The following PAPPA variants were observed in gnomAD, a reference collection of about 807,000 sequenced individuals.
PAPPA encodes pappalysin-1.
A neutral mutation model predicts 164.0 loss-of-function variants in PAPPA; 60 were observed. The observed-to-expected ratio is 0.37, with a 90% CI of 0.30 to 0.45. PAPPA has a LOEUF of 0.45. Among genes scored for constraint, PAPPA ranks in the 20% least tolerant of loss-of-function variants. The pLI, the probability that PAPPA is intolerant of heterozygous loss-of-function variation, is 1.00. For synonymous variants in PAPPA, 875 were observed against 814.1 expected (o/e 1.07, Z -1.27); for missense variants, 1,782 against 2,087.3 (o/e 0.85, Z 2.85).
chr9:116,349,569 C>T (rs565674711), intron 15 of PAPPA, among the ~76,000 whole-genome samples: 16 of 152,242 alleles, frequency 1.1e-4, no homozygotes, highest in South Asian at 8.3e-4. Context: ...TTACAGCACT[C>T]CCAAAGAGAC....
intron 4 of PAPPA, among the ~76,000 whole-genome samples, chr9:116,218,700 G>T (rs1453040390): frequency 6.6e-6 from 1 of 152,080 alleles, no homozygotes; most frequent in Admixed American, 6.5e-5. Flanking sequence ...CCACCTGCAG[G>T]ATTTTATATC....
chr9:116,187,657 A>G lies in PAPPA; in HGVS notation c.919A>G (p.Lys307Glu). 6.2e-7 allele frequency: 1 copy of G among 1,614,240 alleles called. No individual in the cohort carries two copies. The highest frequency in any genetic ancestry group is 8.5e-7 in the Non-Finnish European group (1 of 1,180,034). Residue 307 changes from lysine to glutamate, a missense_variant, in exon 2 of 22, where the codon AAA becomes GAA. Physicochemically the swap from Lys to Glu is moderately conservative, Grantham distance 56. Coordinates refer to ENST00000328252, the MANE Select transcript of PAPPA (RefSeq NM_002581.5). This position sits in a 1 kb window ranked among gnomAD's most constrained non-coding sequence, Gnocchi z 4.2. The stretch of plus-strand genomic sequence containing the variant: ...CCCCATGAAGGATGGCAGCAGCCCC[A>G]AAGTGGAATTCAGCAATGCCCACGG... ...WSPMKDGSSP[K>E]VEFSNAHGFL...
At chr9:116,208,200 T>A (rs1447098353) in intron 3 of PAPPA, among the ~76,000 whole-genome samples, 1 of 152,212 alleles carries the variant, frequency 6.6e-6, no homozygotes, top group Non-Finnish European at 1.5e-5. Context: ...ATGACAACAG[T>A]TTCTGAACCA....
chr9:116,244,440 G>A (rs1454452885), intron 7 of PAPPA, among the ~76,000 whole-genome samples: 3 of 152,178 alleles, frequency 2.0e-5, no homozygotes, highest in Non-Finnish European at 2.9e-5. Context: ...TTTAATAGGA[G>A]TGCCTACTGC....
At chr9:116,296,832 G>T (rs1273318234) in intron 9 of PAPPA, among the ~76,000 whole-genome samples, 2 of 151,924 alleles carry the variant, frequency 1.3e-5, no homozygotes, top group African/African-American at 4.8e-5. Context: ...TAAGGAAAAT[G>T]ATGTTTTTTA....
intron 21 of PAPPA, among the ~76,000 whole-genome samples, chr9:116,395,645 G>A (rs1426139966): frequency 6.6e-6 from 1 of 152,198 alleles, no homozygotes; most frequent in Non-Finnish European, 1.5e-5. Flanking sequence ...TTGCAGAAAG[G>A]AAAGCTGGCC....
intron 1 of PAPPA, among the ~76,000 whole-genome samples, chr9:116,173,758 G>A (rs1843799867): frequency 6.6e-6 from 1 of 152,186 alleles, no homozygotes; most frequent in Non-Finnish European, 1.5e-5. Flanking sequence ...TGTACCTCAT[G>A]CAAGGCTCGG....
At chr9:116,301,637 T>C (rs1845580099) in intron 9 of PAPPA, among the ~76,000 whole-genome samples, 1 of 152,256 alleles carries the variant, frequency 6.6e-6, no homozygotes, top group African/African-American at 2.4e-5. Context: ...ATCCTTGTCC[T>C]TGCAGCTAAG....
intron 2 of PAPPA, among the ~76,000 whole-genome samples, chr9:116,192,590 A>G (rs1014118452): frequency 6.6e-5 from 10 of 152,102 alleles, no homozygotes; most frequent in African/African-American, 2.4e-4. Flanking sequence ...AGAAGTCAAC[A>G]CCCCACTGCA....
At chr9:116,224,501 C>G (rs954967313) in intron 5 of PAPPA, among the ~76,000 whole-genome samples, 1 of 152,180 alleles carries the variant, frequency 6.6e-6, no homozygotes, top group Non-Finnish European at 1.5e-5. Context: ...ATTTGTGTAA[C>G]TATTTCCTCA....
chr9:116,220,452 G>T (rs191054100), intron 5 of PAPPA, among the ~76,000 whole-genome samples: 2 of 150,154 alleles, frequency 1.3e-5, no homozygotes, highest in Non-Finnish European at 3.0e-5. Context: ...CTCAGGAGTT[G>T]TGATTGCCTG....
chr9:116,209,436 A>C (rs1353588188), intron 3 of PAPPA, among the ~76,000 whole-genome samples: 2 of 152,198 alleles, frequency 1.3e-5, no homozygotes, highest in East Asian at 3.8e-4. Flanking sequence ...TGAAAGGGCC[A>C]TGATCAGAGT....
At chr9:116,369,931 C>T (rs1200233260) in intron 19 of PAPPA, among the ~76,000 whole-genome samples, 1 of 152,028 alleles carries the variant, frequency 6.6e-6, no homozygotes, top group Non-Finnish European at 1.5e-5. Context: ...GGGAGGAGGG[C>T]GAAGGGCAGA....
At chr9:116,274,791 G>A (rs927145779) in intron 9 of PAPPA, among the ~76,000 whole-genome samples, 9 of 152,156 alleles carry the variant, frequency 5.9e-5, no homozygotes, top group African/African-American at 1.9e-4. Flanking sequence ...CCTTCTCCCC[G>A]TCTTCTGGGT....
chr9:116,170,772 T>C (rs1428354940), intron 1 of PAPPA, among the ~76,000 whole-genome samples: 4 of 152,030 alleles, frequency 2.6e-5, no homozygotes, highest in African/African-American at 9.7e-5. Flanking sequence ...TGTCCATCCA[T>C]CCTTCCATTC....
At position 116,401,355 on chromosome 9, in the gene PAPPA, T is replaced by G. The variant is rs1011341099; in HGVS notation, c.*4739T>G. On this transcript the variant is annotated 3_prime_UTR_variant, in exon 22 of 22. Transcript: ENST00000328252. The stretch of plus-strand genomic sequence containing the variant: ...GGCACCTCACTTCTCAGACTTAAAA[T>G]TCCACATCAAGTGTTCCATTAAAAG... 1 of 152,532 alleles carries G rather than the reference T, an allele frequency of 6.6e-6. No individual in the cohort carries two copies. Among genetic ancestry groups the G allele is most frequent in the Non-Finnish European group, 1.5e-5 (1 of 68,016 alleles). 9.4% of individuals were successfully genotyped at this position (152,532 alleles called of 1,614,324 possible).
chr9:116,330,211 C>T (rs1277410883), intron 10 of PAPPA, among the ~76,000 whole-genome samples: 1 of 152,132 alleles, frequency 6.6e-6, no homozygotes, highest in Non-Finnish European at 1.5e-5. Flanking sequence ...ACATTAGAGA[C>T]CAGAGGAGAA....
At chr9:116,159,641 G>T (rs1198649252) in intron 1 of PAPPA, among the ~76,000 whole-genome samples, 2 of 152,148 alleles carry the variant, frequency 1.3e-5, no homozygotes, top group African/African-American at 2.4e-5. Flanking sequence ...TCGGCCTCTT[G>T]CTCCTTCCCC....
In PAPPA at chr9:116,235,591, A is replaced by G. The variant is rs1201688798; in HGVS notation, c.2686A>G (p.Met896Val). The G allele has an allele frequency of 6.2e-7, 1 of 1,613,460 alleles. No homozygotes were observed. The change falls in exon 7 of 22, where the codon ATG becomes GTG. Residue 896 changes from methionine to valine, a missense_variant. Coordinates refer to ENST00000328252, the MANE Select transcript of PAPPA (RefSeq NM_002581.5). ...YKVVRDPPLQ[M>V]DVASILHLNR... The stretch of plus-strand genomic sequence containing the variant: ...GGTGGTCCGGGACCCTCCTCTCCAG[A>G]TGGATGTGGCCTCCATCCTACATCT...
Sources: gnomAD v4.1 joint callset for allele counts (sites outside exome capture counted in the v4.1 genomes callset) on GRCh38, gnomAD v4.1.1 for gene constraint, Gnocchi (gnomAD v3.1) non-coding constraint, MANE v1.5 for transcripts, NCBI Gene and HGNC (gene_info 2026-07-23, HGNC 2026-07-21) for gene names.